The following COL4A2 variants were observed in gnomAD, a reference collection of about 807,000 sequenced individuals.
COL4A2 encodes the protein collagen alpha-2(IV) chain.
In COL4A2, 99 loss-of-function variants were observed where a neutral mutation model predicts 200.2. The ratio of observed to expected loss-of-function variants is 0.49; its 90% CI spans 0.42 to 0.58. The LOEUF (loss-of-function observed/expected upper bound fraction) is 0.58, where lower values mean the gene tolerates loss of function less well. COL4A2 is among the 20% of genes least tolerant of loss of function. COL4A2 has a pLI of 0.00. For missense variants in COL4A2, 1,950 were observed against 2,314.1 expected (o/e 0.84, Z 3.23); for synonymous variants, 897 against 900.6 (o/e 1.00, Z 0.07).
chr13:110,343,790 C>CA (rs1335185159), intron 3 of COL4A2, among the ~76,000 whole-genome samples: 2 of 152,230 alleles, frequency 1.3e-5, no homozygotes, highest in African/African-American at 4.8e-5. Flanking sequence ...GGATCTCTTT[C>CA]ATTCCATGCT....
At position 110,464,781 on chromosome 13, in the gene COL4A2, C is replaced by T. The variant is rs148229291; in HGVS notation, c.1777-624C>T. 2.4e-3 allele frequency among the ~76,000 whole-genome samples: 372 copies of T among 152,232 alleles called. 3 individuals are homozygous for T. The highest frequency in any genetic ancestry group is 2.6e-3 in the Non-Finnish European group (179 of 68,010). On this transcript the variant is annotated intron_variant, in intron 24 of 47. Transcript: ENST00000360467. ...CCAGCACGTGGGGACAGCACCGAGC[C>T]GTGCCGTGGTGTGTGCGCAGATCAC...
At chr13:110,342,134 A>AAGCC (rs1876485209) in intron 3 of COL4A2, among the ~76,000 whole-genome samples, 2 of 152,210 alleles carry the variant, frequency 1.3e-5, no homozygotes, top group African/African-American at 4.8e-5. Flanking sequence ...AATTGTGCCT[A>AAGCC]AGCCAGCTAC....
chr13:110,422,910 C>G (rs770742749), intron 4 of COL4A2, among the ~76,000 whole-genome samples: 1 of 152,208 alleles, frequency 6.6e-6, no homozygotes, highest in Non-Finnish European at 1.5e-5. Context: ...TCCCATTTCA[C>G]TTCAACTGTG....
At chr13:110,460,998 A>G (rs906278426) in intron 22 of COL4A2, among the ~76,000 whole-genome samples, 2 of 152,232 alleles carry the variant, frequency 1.3e-5, no homozygotes, top group African/African-American at 2.4e-5. Flanking sequence ...ACACATTCCC[A>G]TATTCTTGGA....
chr13:110,439,035 A>G (rs1434230597), intron 15 of COL4A2, among the ~76,000 whole-genome samples: 1 of 152,194 alleles, frequency 6.6e-6, no homozygotes, highest in Non-Finnish European at 1.5e-5. Flanking sequence ...TCAAACACAC[A>G]TTGATTTCCG....
intron 10 of COL4A2, 39 bp downstream of exon 10, chr13:110,430,646 G>A (rs372514987): frequency 8.6e-5 from 138 of 1,613,652 alleles, no homozygotes; most frequent in African/African-American, 1.2e-4. Flanking sequence ...TGGGACCATC[G>A]TCCGGTCATC....
chr13:110,476,047 G>A (rs1320736698), intron 29 of COL4A2, among the ~76,000 whole-genome samples: 3 of 152,228 alleles, frequency 2.0e-5, no homozygotes, highest in Non-Finnish European at 2.9e-5. Context: ...GCAGCGCTCA[G>A]AAGCACGCCC....
Position 110,442,046 on chromosome 13 carries a change from A to G in COL4A2, c.957+2213A>G, listed in dbSNP as rs1278143676. ...GGTTGCAGTGAGCCAAGATCGCACC[A>G]CTGCACTCCAGCCTGGGAGAGACAG... On this transcript the variant is annotated intron_variant, in intron 16 of 47. Transcript: ENST00000360467. Among the ~76,000 whole-genome samples, 4 of 133,482 alleles carry G rather than the reference A, an allele frequency of 3.0e-5. 1 individual carries two copies. Among genetic ancestry groups the G allele is most frequent in the Non-Finnish European group, 4.6e-5 (3 of 64,830 alleles). The allele number at this position is 133,482 out of a possible 152,430, so 87.6% of individuals were successfully genotyped here.
intron 34 of COL4A2, among the ~76,000 whole-genome samples, chr13:110,486,250 C>T (rs1883115555): frequency 6.6e-6 from 1 of 152,176 alleles, no homozygotes; most frequent in Non-Finnish European, 1.5e-5. Context: ...GTTCACTCAG[C>T]CTTTGTTCAG....
chr13:110,408,858 T>C (rs112895918), intron 4 of COL4A2, among the ~76,000 whole-genome samples: 83,546 of 121,614 alleles, frequency 0.69, 27,254 homozygotes, highest in Admixed American at 0.73. Context: ...TATACACACA[T>C]ACACGCACAT....
intron 3 of COL4A2, among the ~76,000 whole-genome samples, chr13:110,310,129 C>T (rs1268159201): frequency 1.3e-5 from 2 of 152,216 alleles, no homozygotes; most frequent in Non-Finnish European, 2.9e-5. Context: ...AGATAGGACA[C>T]CTCTATGCCT....
intron 20 of COL4A2, among the ~76,000 whole-genome samples, chr13:110,452,244 C>T (rs1280924306): frequency 6.6e-6 from 1 of 152,274 alleles, no homozygotes; most frequent in African/African-American, 2.4e-5. Context: ...TTCCATTCTC[C>T]TGCCTCAGCC....
intron 6 of COL4A2, among the ~76,000 whole-genome samples, 196 bp downstream of exon 6, chr13:110,425,193 A>G (rs912572065): frequency 3.9e-5 from 6 of 152,226 alleles, no homozygotes; most frequent in African/African-American, 1.4e-4. Context: ...AAACGTCCTT[A>G]TAGACTTGGC....
At chr13:110,458,658 T>C in intron 21 of COL4A2, 113 bp from the exon 22 acceptor site, 2 of 1,270,630 alleles carry the variant, frequency 1.6e-6, no homozygotes, top group Non-Finnish European at 2.2e-6. Flanking sequence ...GAACAGGCAG[T>C]GTCCATAAAG....
chr13:110,391,084 C>T (rs964727721), intron 4 of COL4A2, among the ~76,000 whole-genome samples: 55 of 152,100 alleles, frequency 3.6e-4, no homozygotes, highest in Admixed American at 1.4e-3. Context: ...TGAAAAAATG[C>T]GTTTATTTTT....
rs1883647912 is a variant in COL4A2, at chr13:110,501,689, G to A, written c.3782G>A (p.Ser1261Asn). Residue 1261 changes from serine (S) to asparagine (N), a missense_variant, in exon 41 of 48, where the codon AGC becomes AAC. This residue lies in a region of COL4A2 where 1,385 missense variants were observed against 1,720.5 expected (regional missense o/e 0.80). Coordinates refer to ENST00000360467, the MANE Select transcript of COL4A2 (RefSeq NM_001846.4). ...TAAGGGGAACGAGGCCCACCTGGGA[G>A]CCCAGGACTTCAGGGGTTCCCTGGT... ...GAPGERGPPG[S>N]PGLQGFPGIT... is the part of the protein sequence containing the mutation. The A allele has an allele frequency of 6.2e-7, 1 of 1,613,752 alleles. No homozygotes were observed. The highest frequency in any genetic ancestry group is 1.1e-5 in the South Asian group (1 of 91,084).
intron 4 of COL4A2, among the ~76,000 whole-genome samples, chr13:110,406,300 G>A (rs1469553524): frequency 6.6e-6 from 1 of 152,208 alleles, no homozygotes; most frequent in Admixed American, 6.5e-5. Flanking sequence ...TGCAGACTGG[G>A]GAGAAGTGGG....
At chr13:110,345,378 G>A (rs1484546969) in intron 3 of COL4A2, among the ~76,000 whole-genome samples, 1 of 152,200 alleles carries the variant, frequency 6.6e-6, no homozygotes. Context: ...AGGGAACAGT[G>A]GATGCAGGGG....
chr13:110,422,498 C>T (rs2139451232), intron 4 of COL4A2, among the ~76,000 whole-genome samples: 1 of 152,306 alleles, frequency 6.6e-6, no homozygotes, highest in Non-Finnish European at 1.5e-5. Flanking sequence ...TTCACCACGA[C>T]TTAGGAGGCC....
Sources: gnomAD v4.1 joint callset for allele counts (sites outside exome capture counted in the v4.1 genomes callset) on GRCh38, gnomAD v4.1.1 for gene constraint, gnomAD v4.1.1 regional missense constraint, MANE v1.5 for transcripts, NCBI Gene and HGNC (gene_info 2026-07-23, HGNC 2026-07-21) for gene names.